NDE1: variants seen among roughly 807,000 people sequenced by gnomAD.
The protein encoded by NDE1 is nudE neurodevelopment protein 1.
A neutral mutation model predicts 43.4 loss-of-function variants in NDE1; 28 were observed. The observed-to-expected ratio is 0.65, with a 90% CI of 0.48 to 0.89. The LOEUF (loss-of-function observed/expected upper bound fraction) is 0.89. NDE1 is among the 40% of genes least tolerant of loss of function. The pLI is 0.00. For missense variants in NDE1, 441 were observed against 434.1 expected, an observed-to-expected ratio of 1.02 and a Z score of -0.14; for synonymous variants, 184 against 172.0, an observed-to-expected ratio of 1.07 and a Z score of -0.55.
chr16:15,693,914 C>T (rs548418974), intron 6 of NDE1, among the ~76,000 whole-genome samples: 20 of 152,186 alleles, frequency 1.3e-4, no homozygotes, highest in Non-Finnish European at 2.6e-4. Flanking sequence ...CACTCCAGTC[C>T]GGGTGACAGA....
chr16:15,696,239 A>G (rs2039006236), intron 7 of NDE1, among the ~76,000 whole-genome samples: 1 of 151,728 alleles, frequency 6.6e-6, no homozygotes, highest in Non-Finnish European at 1.5e-5. Context: ...ACTGGGCATG[A>G]TTGCGGATGC....
chr16:15,665,568 C>T (rs144068254), intron 2 of NDE1, among the ~76,000 whole-genome samples: 27 of 151,864 alleles, frequency 1.8e-4, no homozygotes, highest in Non-Finnish European at 3.2e-4. Flanking sequence ...CTCAGCTTCT[C>T]GAGTAGCTGG....
At chr16:15,696,643 C>G in intron 7 of NDE1, 66 bp from the exon 8 acceptor site, 1 of 1,612,942 alleles carries the variant, frequency 6.2e-7, no homozygotes, top group East Asian at 2.2e-5. Flanking sequence ...TTCTTCTGTA[C>G]AGGCTCTGGT....
Position 15,664,851 on chromosome 16 carries a change from TACAA to T in NDE1, c.77_80del (p.Lys26ArgfsTer116). ...CTATTGGAAAGATCTGGCGATGACCTACAAACAGAGGTCAGTCCGAGTTCACCTG... is the reference window on the plus strand; with the variant it reads ...CTATTGGAAAGATCTGGCGATGACCTACAGAGGTCAGTCCGAGTTCACCTG... On this transcript the variant is annotated frameshift_variant, in exon 2 of 9. Transcript: ENST00000396354. LOFTEE classifies it high-confidence loss of function. 16 of 1,610,098 alleles carry T rather than the reference TACAA, an allele frequency of 9.9e-6. No individual in the cohort carries two copies. Among genetic ancestry groups the T allele is most frequent in the Non-Finnish European group, 1.4e-5 (16 of 1,177,096 alleles).
At chr16:15,673,525 G>T (rs966520466) in intron 3 of NDE1, among the ~76,000 whole-genome samples, 5 of 150,800 alleles carry the variant, frequency 3.3e-5, no homozygotes, top group African/African-American at 1.2e-4. Context: ...TTTTGGTTTC[G>T]CCATGTTGCC....
At chr16:15,716,364 C>T (rs1302020320) in intron 8 of NDE1, among the ~76,000 whole-genome samples, 1 of 152,108 alleles carries the variant, frequency 6.6e-6, no homozygotes, top group African/African-American at 2.4e-5. Context: ...GTGCGAATTA[C>T]TGAAAAAGCT....
chr16:15,699,558 G>A, intron 8 of NDE1: 1 of 1,186,494 alleles, frequency 8.4e-7, no homozygotes, highest in South Asian at 1.6e-5. Flanking sequence ...CTTGGAATCT[G>A]AGAGCCAGGT....
chr16:15,718,352 TCCATGTTGC>T, intron 8 of NDE1: 1 of 1,608,698 alleles, frequency 6.2e-7, no homozygotes, highest in African/African-American at 1.3e-5. Context: ...GCTCATGGCC[TCCATGTTGC>T]CCTGCTCCTC....
chr16:15,719,756 C>T (rs1239581171), intron 8 of NDE1: 29 of 1,613,030 alleles, frequency 1.8e-5, no homozygotes, highest in Non-Finnish European at 2.4e-5. Flanking sequence ...TGTCCTTACT[C>T]CCCCAAGTTC....
rs558517170 is a variant in NDE1, at chr16:15,720,825, C to G, written c.948-3366C>G. The G allele has an allele frequency of 9.3e-6, 15 of 1,612,854 alleles. No homozygotes were observed. In the East Asian group the frequency reaches 3.3e-4, roughly 36 times the overall value. The stretch of plus-strand genomic sequence containing the variant: ...ACCCGACCTCCCTCTGCTGGCCTCC[C>G]CGGCAGCACGCACCTGTCTCTGCAG... On this transcript the variant is annotated intron_variant, in intron 8 of 8. Coordinates refer to ENST00000396354, the MANE Select transcript of NDE1 (RefSeq NM_017668.3).
At chr16:15,679,349 G>A (rs916846673) in intron 4 of NDE1, among the ~76,000 whole-genome samples, 17 of 152,068 alleles carry the variant, frequency 1.1e-4, no homozygotes, top group East Asian at 7.7e-4. Context: ...CGTCTCGGAC[G>A]CCATCTATAC....
chr16:15,710,288 C>T (rs545152129), intron 8 of NDE1, among the ~76,000 whole-genome samples: 2 of 152,094 alleles, frequency 1.3e-5, no homozygotes, highest in South Asian at 2.1e-4. Context: ...TTTGGGAGAC[C>T]GAGGCAGGTG....
intron 6 of NDE1, among the ~76,000 whole-genome samples, chr16:15,691,801 G>T (rs1176482153): frequency 6.6e-6 from 1 of 151,798 alleles, no homozygotes; most frequent in South Asian, 2.1e-4. Flanking sequence ...GCTAACTTTT[G>T]TATTTTAGGT....
chr16:15,716,148 C>G (rs1283508900), intron 8 of NDE1, among the ~76,000 whole-genome samples: 1 of 151,930 alleles, frequency 6.6e-6, no homozygotes, highest in Non-Finnish European at 1.5e-5. Flanking sequence ...AGACTGGTCT[C>G]GAACTCCTGG....
At chr16:15,668,597 G>A (rs1489769523) in intron 3 of NDE1, among the ~76,000 whole-genome samples, 1 of 152,174 alleles carries the variant, frequency 6.6e-6, no homozygotes, top group Non-Finnish European at 1.5e-5. Flanking sequence ...GGTGTTGCTA[G>A]AGTAATATCA....
intron 8 of NDE1, chr16:15,700,139 C>G: frequency 9.4e-7 from 1 of 1,060,978 alleles, no homozygotes; most frequent in Admixed American, 4.9e-5. Flanking sequence ...CTCTGTCACC[C>G]AGGCTGGAGT....
At chr16:15,705,538 G>A (rs2039402395) in intron 8 of NDE1, among the ~76,000 whole-genome samples, 1 of 152,162 alleles carries the variant, frequency 6.6e-6, no homozygotes, top group South Asian at 2.1e-4. Flanking sequence ...ATTATGTTGG[G>A]CTCTGGCCAT....
rs886051721 is a variant in NDE1, at chr16:15,664,744, C to G, written c.-35C>G. On this transcript the variant is annotated 5_prime_UTR_variant, in exon 2 of 9. Transcript: ENST00000396354. The stretch of plus-strand genomic sequence containing the variant: ...GAAACCTTCTCTCCTAGACACCATG[C>G]CACAAGGAGAGTGATCTCTTCCCCT... The G allele has an allele frequency of 6.8e-7, 1 of 1,477,246 alleles. No homozygotes were observed. The highest frequency in any genetic ancestry group is 9.5e-7 in the Non-Finnish European group (1 of 1,055,922). The allele number at this position is 1,477,246 out of a possible 1,614,324, so 91.5% of individuals were successfully genotyped here. A position where few individuals can be genotyped will look rare whatever the true frequency, so the allele number is the denominator to read the frequency against.
At chr16:15,653,746 GA>G (rs1447987307) in intron 1 of NDE1, among the ~76,000 whole-genome samples, 6 of 123,446 alleles carry the variant, frequency 4.9e-5, no homozygotes, top group African/African-American at 1.8e-4. Context: ...TTTTTTTTTT[GA>G]GACGGGTTCT....
Sources: allele counts gnomAD v4.1 joint callset (sites outside exome capture counted in the v4.1 genomes callset), GRCh38; gene constraint gnomAD v4.1.1; transcripts MANE v1.5; gene names NCBI Gene and HGNC (gene_info 2026-07-23, HGNC 2026-07-21).